Variants in PAQR5 observed in about 807,000 individuals in gnomAD.
PAQR5 encodes membrane progestin receptor gamma.
PAQR5 carries 20 observed loss-of-function variants against 34.5 expected under a neutral mutation model. The observed-to-expected ratio is 0.58, with a 90% CI of 0.41 to 0.84. The LOEUF (loss-of-function observed/expected upper bound fraction) is 0.84. Ranked by LOEUF, PAQR5 falls within the 40% of genes least tolerant of loss-of-function variation. PAQR5 has a pLI of 0.00. For missense variants in PAQR5, 378 were observed against 412.7 expected (o/e 0.92, Z 0.73); for synonymous variants, 131 against 155.6 (o/e 0.84, Z 1.18).
intron 1 of PAQR5, among the ~76,000 whole-genome samples, chr15:69,304,066 G>A (rs180892192): frequency 1.3e-5 from 2 of 152,222 alleles, no homozygotes; most frequent in Admixed American, 1.3e-4. Context: ...AGACAGGCAG[G>A]TGAGGGAGCA....
At chr15:69,403,477 TG>T in intron 8 of PAQR5, 103 bp from the exon 9 acceptor site, 1 of 1,038,082 alleles carries the variant, frequency 9.6e-7, no homozygotes, top group Non-Finnish European at 1.4e-6. Flanking sequence ...GTCTCCTGTC[TG>T]GTTTCTTTCA....
intron 1 of PAQR5, among the ~76,000 whole-genome samples, chr15:69,304,917 G>A (rs983228012): frequency 6.6e-6 from 1 of 152,194 alleles, no homozygotes; most frequent in Non-Finnish European, 1.5e-5. Flanking sequence ...GTTGATCACT[G>A]CACTCCTGGG....
chr15:69,337,109 G>A (rs2054531428), intron 1 of PAQR5, among the ~76,000 whole-genome samples: 1 of 152,204 alleles, frequency 6.6e-6, no homozygotes, highest in African/African-American at 2.4e-5. Context: ...GAGCTGGTAT[G>A]TTAAACATTG....
At position 69,347,598 on chromosome 15, in the gene PAQR5, G is replaced by A. The variant is rs113906579; in HGVS notation, c.-116+10097G>A. Reference sequence around the variant, plus strand: ...CTCCCTGGTGGCCATTACAATCCCCGCCCCTCCAAAAGTGGTCTCTGGGTG... The same window carrying A: ...CTCCCTGGTGGCCATTACAATCCCCACCCCTCCAAAAGTGGTCTCTGGGTG... On this transcript the variant is annotated intron_variant, in intron 2 of 8. Coordinates refer to ENST00000395407, the MANE Select transcript of PAQR5 (RefSeq NM_017705.4). 5.0e-3 allele frequency among the ~76,000 whole-genome samples: 762 copies of A among 152,136 alleles called. 5 individuals carry two copies. Among genetic ancestry groups the A allele is most frequent in the African/African-American group, 0.017 (706 of 41,514 alleles).
At chr15:69,324,164 A>G (rs1388090823) in intron 1 of PAQR5, among the ~76,000 whole-genome samples, 2 of 150,770 alleles carry the variant, frequency 1.3e-5, no homozygotes, top group African/African-American at 4.9e-5. Flanking sequence ...AAAAAGGCTC[A>G]GTACACTCAG....
chr15:69,299,383 G>C (rs944164916), intron 1 of PAQR5, among the ~76,000 whole-genome samples: 16 of 152,172 alleles, frequency 1.1e-4, no homozygotes, highest in African/African-American at 3.9e-4. Context: ...CGTTTGCGCC[G>C]CTTATCCTTC....
In PAQR5 at chr15:69,307,377, G is replaced by T. The variant is rs142553838; in HGVS notation, c.-277+8321G>T. ...TATGGTGCTTCTATGTTTAAGTTTC[G>T]GAGGAACCATCATAGTATTAAGGAA... On this transcript the variant is annotated intron_variant, in intron 1 of 8. Transcript: ENST00000395407. Among the ~76,000 whole-genome samples the T allele has an allele frequency of 4.1e-4, 62 of 152,252 alleles. 1 individual carries two copies. Among genetic ancestry groups the T allele is most frequent in the Middle Eastern group, 3.4e-3 (1 of 294 alleles).
At chr15:69,329,734 C>T (rs1166919020) in intron 1 of PAQR5, among the ~76,000 whole-genome samples, 1 of 152,054 alleles carries the variant, frequency 6.6e-6, no homozygotes, top group East Asian at 1.9e-4. Context: ...ATCTGCCTGC[C>T]TTGGCCTCCC....
At chr15:69,369,004 TC>T (rs2055481042) in intron 3 of PAQR5, among the ~76,000 whole-genome samples, 1 of 152,192 alleles carries the variant, frequency 6.6e-6, no homozygotes, top group Non-Finnish European at 1.5e-5. Context: ...ACTCCTGGGC[TC>T]AAGAAATCCA....
rs2056736651 is a variant in PAQR5, at chr15:69,405,226, A to C, written c.*1404A>C. 1 of 374,234 alleles carries C rather than the reference A, an allele frequency of 2.7e-6. No homozygotes were observed. The highest frequency in any genetic ancestry group is 3.8e-5 in the East Asian group (1 of 26,054). 23.2% of individuals were successfully genotyped at this position (374,234 alleles called of 1,614,324 possible). ...ATCAAACCCAGATCTGCACTTGGTA[A>C]TGACTTAGGGGGGCTTCCTCACAAT... On this transcript the variant is annotated 3_prime_UTR_variant, in exon 9 of 9. Transcript: ENST00000395407.
chr15:69,366,848 T>C (rs2140873857), intron 3 of PAQR5, among the ~76,000 whole-genome samples: 1 of 152,330 alleles, frequency 6.6e-6, no homozygotes, highest in Non-Finnish European at 1.5e-5. Flanking sequence ...TTACGTATTT[T>C]GAGCCTGTGT....
chr15:69,355,332 C>CTTTT (rs1364000014), intron 2 of PAQR5, among the ~76,000 whole-genome samples: 29 of 28,734 alleles, frequency 1.0e-3, no homozygotes, highest in African/African-American at 4.4e-3. Context: ...TTCTTTCTTT[C>CTTTT]TTTCTTTCTT....
intron 2 of PAQR5, 164 bp from the exon 3 acceptor site, chr15:69,359,802 G>A (rs962495347): frequency 2.7e-6 from 1 of 374,358 alleles, no homozygotes; most frequent in Admixed American, 4.4e-5. Flanking sequence ...CACTCTTGGA[G>A]TGGATGACTC....
At chr15:69,323,282 T>A (rs2054170595) in intron 1 of PAQR5, among the ~76,000 whole-genome samples, 2 of 152,250 alleles carry the variant, frequency 1.3e-5, no homozygotes, top group East Asian at 3.8e-4. Context: ...TACTAGCAGA[T>A]GGCCTCTGCC....
At chr15:69,353,865 G>T (rs1392030659) in intron 2 of PAQR5, among the ~76,000 whole-genome samples, 1 of 152,178 alleles carries the variant, frequency 6.6e-6, no homozygotes, top group African/African-American at 2.4e-5. Flanking sequence ...CCACTGAGCT[G>T]GAAGTTAAGA....
rs1337539027 is a variant in PAQR5, at chr15:69,309,666, G to A, written c.-277+10610G>A. 4.6e-5 allele frequency among the ~76,000 whole-genome samples: 7 copies of A among 152,192 alleles called. No individual in the cohort carries two copies. The South Asian group carries it at 1.0e-3, about 23-fold the overall frequency. ...AAGACGTATACAGATTATTTCCCCC[G>A]GATGGTGGCACATGCATGCACTCTG... On this transcript the variant is annotated intron_variant, in intron 1 of 8. Coordinates refer to ENST00000395407, the MANE Select transcript of PAQR5 (RefSeq NM_017705.4).
chr15:69,364,878 C>G (rs1179899702), intron 3 of PAQR5, among the ~76,000 whole-genome samples: 4 of 150,742 alleles, frequency 2.7e-5, no homozygotes, highest in Non-Finnish European at 5.9e-5. Context: ...GCTGGGATCA[C>G]AGGTGTCCGC....
chr15:69,395,937 C>T (rs757450532), intron 6 of PAQR5, among the ~76,000 whole-genome samples: 2 of 152,052 alleles, frequency 1.3e-5, no homozygotes, highest in Admixed American at 1.3e-4. Flanking sequence ...GGGGCTTCTC[C>T]GGGCACACAG....
chr15:69,393,196 C>T (rs1048891317), intron 6 of PAQR5, among the ~76,000 whole-genome samples: 9 of 151,458 alleles, frequency 5.9e-5, no homozygotes, highest in Non-Finnish European at 1.2e-4. Flanking sequence ...CCTTCCAGTG[C>T]CCTTTGTACC....
Sources: allele counts gnomAD v4.1 joint callset (sites outside exome capture counted in the v4.1 genomes callset), GRCh38; gene constraint gnomAD v4.1.1; transcripts MANE v1.5; gene names NCBI Gene and HGNC (gene_info 2026-07-23, HGNC 2026-07-21).